PHLPP2: variants seen among roughly 807,000 people sequenced by gnomAD.
PHLPP2 encodes PH domain and leucine rich repeat protein phosphatase 2.
In PHLPP2, 66 loss-of-function variants were observed where a neutral mutation model predicts 124.9. That is an observed-to-expected ratio of 0.53 (90% CI 0.43 to 0.65). The LOEUF (loss-of-function observed/expected upper bound fraction) is 0.65. Among genes scored for constraint, PHLPP2 ranks in the 30% least tolerant of loss-of-function variants. The pLI is 0.00. For synonymous variants in PHLPP2, 681 were observed against 624.7 expected (o/e 1.09, Z -1.34); for missense variants, 1,685 against 1,600.4 (o/e 1.05, Z -0.90).
intron 4 of PHLPP2, among the ~76,000 whole-genome samples, chr16:71,686,133 G>T (rs2045053207): frequency 6.6e-6 from 1 of 152,126 alleles, no homozygotes; most frequent in African/African-American, 2.4e-5. Context: ...AGTCCTTTTG[G>T]GGATCAGTCT....
At chr16:71,701,316 A>G (rs150548536) in intron 3 of PHLPP2, among the ~76,000 whole-genome samples, 1 of 27,636 alleles carries the variant, frequency 3.6e-5, no homozygotes, top group East Asian at 8.0e-4. Flanking sequence ...ATCTATCTAT[A>G]TATCTATCTA....
intron 17 of PHLPP2, among the ~76,000 whole-genome samples, chr16:71,654,138 T>C (rs541200210): frequency 7.2e-6 from 1 of 139,572 alleles, no homozygotes; most frequent in East Asian, 2.2e-4. Context: ...GAGCTTGCAG[T>C]GAGCCGAGAT....
intron 3 of PHLPP2, among the ~76,000 whole-genome samples, chr16:71,693,364 C>G (rs1008465610): frequency 3.9e-5 from 6 of 152,218 alleles, no homozygotes; most frequent in African/African-American, 1.4e-4. Context: ...TCTCACAACT[C>G]AAGCTCATCT....
In PHLPP2 at chr16:71,704,045, G is replaced by A. The variant is rs140242720; in HGVS notation, c.285-1314C>T. ...CTGTTCAGAAAACTTAAGAATAGCC[G>A]GGCGCAGTGGCTCACGCCTGTAATC... On this transcript the variant is annotated intron_variant, in intron 2 of 18. Coordinates refer to ENST00000568954, the MANE Select transcript of PHLPP2 (RefSeq NM_015020.3). Among the ~76,000 whole-genome samples the A allele has an allele frequency of 2.0e-3, 302 of 152,206 alleles. 2 individuals are homozygous for A. Among genetic ancestry groups the A allele is most frequent in the African/African-American group, 6.8e-3 (281 of 41,526 alleles).
intron 11 of PHLPP2, among the ~76,000 whole-genome samples, 182 bp downstream of exon 11, chr16:71,669,093 T>G (rs1229643170): frequency 6.6e-6 from 1 of 152,230 alleles, no homozygotes; most frequent in Non-Finnish European, 1.5e-5. Flanking sequence ...TTAAGTTCCT[T>G]GCAAGCCAAG....
rs1329916326 is a variant in PHLPP2, at chr16:71,678,921, G to C, written c.1102C>G (p.Gln368Glu). 1 of 1,612,862 alleles carries C rather than the reference G, an allele frequency of 6.2e-7. No individual in the cohort carries two copies. The highest frequency in any genetic ancestry group is 8.5e-7 in the Non-Finnish European group (1 of 1,178,906). The change falls in exon 8 of 19, where the codon CAA becomes GAA. Residue 368 changes from glutamine (Q) to glutamate (E), a missense_variant. By Grantham distance (29) the Gln-to-Glu change is conservative. Transcript: ENST00000568954. ...GAAATTCCCAAGGAGGAAAGCTGTT[G>C]TAGATTTCCCAATTCTTCAGGTAAA... is the stretch of plus-strand genomic sequence containing the variant. The part of the protein sequence containing the change: ...TTLPEELGNL[Q>E]QLSSLGISFN...
intron 14 of PHLPP2, 101 bp from the exon 15 acceptor site, chr16:71,658,464 A>C: frequency 8.0e-7 from 1 of 1,243,610 alleles, no homozygotes; most frequent in Non-Finnish European, 1.1e-6. Flanking sequence ...GAGGAACTTA[A>C]TTTCTTCCCA....
intron 3 of PHLPP2, among the ~76,000 whole-genome samples, chr16:71,701,145 C>T (rs1331041949): frequency 6.7e-6 from 1 of 148,612 alleles, no homozygotes; most frequent in African/African-American, 2.4e-5. Flanking sequence ...CCAGGACCAT[C>T]CCTCCAGCTA....
chr16:71,714,949 T>G (rs530563581), intron 1 of PHLPP2, 148 bp from the exon 2 acceptor site: 3 of 943,620 alleles, frequency 3.2e-6, no homozygotes, highest in Admixed American at 3.0e-5. Flanking sequence ...ACATCTATCA[T>G]GCTCATTCGT....
At chr16:71,714,999 G>A in intron 1 of PHLPP2, 198 bp from the exon 2 acceptor site, 1 of 625,264 alleles carries the variant, frequency 1.6e-6, no homozygotes, top group Non-Finnish European at 2.7e-6. Context: ...TGCTGTCTGT[G>A]TTTCCATCCA....
chr16:71,694,285 A>C (rs1377893134), intron 3 of PHLPP2, among the ~76,000 whole-genome samples: 3 of 151,824 alleles, frequency 2.0e-5, no homozygotes, highest in African/African-American at 4.8e-5. Context: ...AACATGGTGA[A>C]ATCCCATCTC....
chr16:71,649,341 C>T lies in PHLPP2; in HGVS notation c.3521G>A (p.Cys1174Tyr). ...KVEVEVDIHC[C>Y]RGRDLENSPP... ...TGAGTTCTCCAGATCCCTCCCCCTG[C>T]AGCAGTGGATGTCTACTTCCACCTC... Residue 1174 changes from cysteine (C) to tyrosine (Y), a missense_variant, in exon 19 of 19, where the codon TGC (cysteine) becomes TAC (tyrosine). Physicochemically the swap from Cys to Tyr is radical, Grantham distance 194. Transcript: ENST00000568954. The T allele has an allele frequency of 6.2e-7, 1 of 1,613,554 alleles. No homozygotes were observed.
At chr16:71,655,942 T>C (rs562235836) in intron 16 of PHLPP2, among the ~76,000 whole-genome samples, 1 of 152,354 alleles carries the variant, frequency 6.6e-6, no homozygotes, top group South Asian at 2.1e-4. Flanking sequence ...GTCGCATTCA[T>C]GGGCAGTACA....
chr16:71,719,584 A>G (rs1352305969), intron 1 of PHLPP2, among the ~76,000 whole-genome samples: 1 of 152,012 alleles, frequency 6.6e-6, no homozygotes, highest in Admixed American at 6.6e-5. Context: ...TTGTTTATAC[A>G]TACTTTGCTC....
intron 2 of PHLPP2, among the ~76,000 whole-genome samples, chr16:71,704,626 A>T (rs2045260353): frequency 6.6e-6 from 1 of 152,166 alleles, no homozygotes; most frequent in African/African-American, 2.4e-5. Context: ...ATGAACTGCT[A>T]CATGGGGAAT....
intron 4 of PHLPP2, among the ~76,000 whole-genome samples, chr16:71,689,114 C>T (rs1169552611): frequency 6.6e-6 from 1 of 152,180 alleles, no homozygotes; most frequent in African/African-American, 2.4e-5. Flanking sequence ...CCGAGGCTGC[C>T]ACAACCTTTC....
At chr16:71,664,174 C>T (rs2044818492) in intron 12 of PHLPP2, 75 bp from the exon 13 acceptor site, 4 of 989,136 alleles carry the variant, frequency 4.0e-6, no homozygotes, top group South Asian at 3.9e-5. Flanking sequence ...CATCATGTCA[C>T]CTCAGTATGG....
At chr16:71,686,942 G>C (rs2045060202) in intron 4 of PHLPP2, among the ~76,000 whole-genome samples, 1 of 151,960 alleles carries the variant, frequency 6.6e-6, no homozygotes, top group Non-Finnish European at 1.5e-5. Flanking sequence ...ATTTCTTTTG[G>C]ATAAAAACTA....
intron 12 of PHLPP2, chr16:71,666,111 T>C (rs1404016546): frequency 6.6e-6 from 1 of 152,152 alleles, no homozygotes; most frequent in Non-Finnish European, 1.5e-5. Flanking sequence ...TGGCAGCACA[T>C]GTACTAAAAT....
Sources: gnomAD v4.1 joint callset for allele counts (sites outside exome capture counted in the v4.1 genomes callset) on GRCh38, gnomAD v4.1.1 for gene constraint, MANE v1.5 for transcripts, NCBI Gene and HGNC (gene_info 2026-07-23, HGNC 2026-07-21) for gene names.